The following LDLRAP1 variants were observed in gnomAD, a reference collection of about 807,000 sequenced individuals.
LDLRAP1 encodes the protein low density lipoprotein receptor adaptor protein 1.
In LDLRAP1, 30 loss-of-function variants were observed where a neutral mutation model predicts 37.8. That is an observed-to-expected ratio of 0.79 (90% CI 0.59 to 1.08). LDLRAP1 has a LOEUF of 1.08. Among genes scored for constraint, LDLRAP1 ranks in the 50% least tolerant of loss-of-function variants. The probability of loss-of-function intolerance (pLI) is 0.00; values close to 1 mark genes in which losing one functional copy is unlikely to be tolerated. For missense variants in LDLRAP1, 375 were observed against 401.6 expected (o/e 0.93, Z 0.57); for synonymous variants, 156 against 169.8 (o/e 0.92, Z 0.63).
chr1:25,571,224 A>T (rs1185219411), downstream of LDLRAP1, among the ~76,000 whole-genome samples: 1 of 152,240 alleles, frequency 6.6e-6, no homozygotes, highest in Non-Finnish European at 1.5e-5. Context: ...CCACAGGCAG[A>T]GGCTGACTTC....
In LDLRAP1 at chr1:25,555,843, A is replaced by G. The variant is rs906043021; in HGVS notation, c.344+871A>G. On this transcript the variant is annotated intron_variant, in intron 3 of 8. Transcript: ENST00000374338. The surrounding 1 kb of genome is among the most constrained non-coding windows in gnomAD (Gnocchi z 4.7). ...ACGTCTGTGCCAGATGAGGACTCCAATCCTGCTCATTGCCCTCAAGGAGCT... is the reference window on the plus strand; with the variant it reads ...ACGTCTGTGCCAGATGAGGACTCCAGTCCTGCTCATTGCCCTCAAGGAGCT... Among the ~76,000 whole-genome samples, 10 of 152,116 alleles carry G rather than the reference A, an allele frequency of 6.6e-5. No homozygotes were observed. The highest frequency in any genetic ancestry group is 1.2e-4 in the Non-Finnish European group (8 of 68,026).
the LDLRAP1 span, among the ~76,000 whole-genome samples, chr1:25,586,171 CCA>C: frequency 6.6e-6 from 1 of 152,110 alleles, no homozygotes; most frequent in Non-Finnish European, 1.5e-5. The surrounding 1 kb of genome is among the most constrained non-coding windows in gnomAD (Gnocchi z 4.3). Context: ...TTGTAGAGGC[CCA>C]GACTTCTAAA....
At chr1:25,549,550 C>A (rs1263409187) in intron 1 of LDLRAP1, among the ~76,000 whole-genome samples, 1 of 152,246 alleles carries the variant, frequency 6.6e-6, no homozygotes, top group African/African-American at 2.4e-5. Context: ...CTGTCCCCAG[C>A]TAACTCCAGC....
rs2044186615 is a variant in LDLRAP1 at position 25,555,913 on chromosome 1, A to T, written c.344+941A>T. Among the ~76,000 whole-genome samples the T allele has an allele frequency of 6.6e-6, 1 of 152,182 alleles. No homozygotes were observed. Among genetic ancestry groups the T allele is most frequent in the African/African-American group, 2.4e-5 (1 of 41,434 alleles). On this transcript the variant is annotated intron_variant, in intron 3 of 8. Transcript: ENST00000374338. The surrounding 1 kb of genome is among the most constrained non-coding windows in gnomAD (Gnocchi z 4.7). ...GTCGGGAGGAAACAGGAGATAGAGCATAGTGTTCCAAAAAGGCAAGGAGGA... is the reference window on the plus strand; with the variant it reads ...GTCGGGAGGAAACAGGAGATAGAGCTTAGTGTTCCAAAAAGGCAAGGAGGA...
the LDLRAP1 span, among the ~76,000 whole-genome samples, chr1:25,588,065 A>T: frequency 6.6e-6 from 1 of 152,166 alleles, no homozygotes; most frequent in Non-Finnish European, 1.5e-5. Context: ...ACTTTGTTAA[A>T]CAAATGCTTG....
the LDLRAP1 span, among the ~76,000 whole-genome samples, chr1:25,584,568 A>G: frequency 6.6e-6 from 1 of 151,914 alleles, no homozygotes; most frequent in African/African-American, 2.4e-5. Context: ...CCATAATAAC[A>G]TGTGATTTTC....
intron 7 of LDLRAP1, chr1:25,564,005 G>A: frequency 1.6e-6 from 1 of 637,138 alleles, no homozygotes; most frequent in Non-Finnish European, 2.8e-6. Context: ...TCCCAGCACA[G>A]CTGTCTCCTC....
chr1:25,580,192 G>A, the LDLRAP1 span, among the ~76,000 whole-genome samples: 20 of 152,060 alleles, frequency 1.3e-4, no homozygotes, highest in Admixed American at 1.0e-3. Context: ...GGATGGAGTC[G>A]GTGTCATGCC....
the LDLRAP1 span, among the ~76,000 whole-genome samples, chr1:25,577,105 C>T: frequency 1.3e-5 from 2 of 152,246 alleles, no homozygotes; most frequent in Admixed American, 6.5e-5. Flanking sequence ...TCCCCGCATT[C>T]ACCTCCTGAG....
At chr1:25,574,475 G>T in the LDLRAP1 span, among the ~76,000 whole-genome samples, 1 of 152,242 alleles carries the variant, frequency 6.6e-6, no homozygotes, top group Non-Finnish European at 1.5e-5. Context: ...CTGCTCTGTT[G>T]TCTGAGCGGG....
chr1:25,562,344 C>T (rs1254515587), intron 4 of LDLRAP1, among the ~76,000 whole-genome samples: 1 of 152,198 alleles, frequency 6.6e-6, no homozygotes, highest in Non-Finnish European at 1.5e-5. Context: ...GAAGAACAGC[C>T]TTTGCAGGCA....
chr1:25,565,494 G>A (rs907730278), intron 8 of LDLRAP1, among the ~76,000 whole-genome samples: 2 of 151,958 alleles, frequency 1.3e-5, no homozygotes, highest in Admixed American at 6.5e-5. Context: ...ACACACTGCA[G>A]CTCAAGTTGA....
the LDLRAP1 span, among the ~76,000 whole-genome samples, chr1:25,582,453 C>T: frequency 1.3e-5 from 2 of 151,684 alleles, no homozygotes; most frequent in South Asian, 2.1e-4. Flanking sequence ...GGCATGGTGG[C>T]ATGCACCTGT....
At chr1:25,580,356 G>A in the LDLRAP1 span, among the ~76,000 whole-genome samples, 2 of 152,068 alleles carry the variant, frequency 1.3e-5, no homozygotes, top group Non-Finnish European at 1.5e-5. Context: ...CTCCAGCCTG[G>A]GTAACAGAAT....
intron 1 of LDLRAP1, among the ~76,000 whole-genome samples, chr1:25,546,692 G>A (rs2043941552): frequency 6.6e-6 from 1 of 152,180 alleles, no homozygotes; most frequent in Admixed American, 6.5e-5. Context: ...AATAGGAGGT[G>A]CAGGTTCCAG....
At chr1:25,577,746 C>T in the LDLRAP1 span, among the ~76,000 whole-genome samples, 6 of 152,188 alleles carry the variant, frequency 3.9e-5, no homozygotes, top group African/African-American at 7.2e-5. Flanking sequence ...CCGGCATCAC[C>T]GTGAGTTGGC....
chr1:25,589,812 C>T, the LDLRAP1 span, among the ~76,000 whole-genome samples: 1 of 152,034 alleles, frequency 6.6e-6, no homozygotes, highest in Admixed American at 6.6e-5. Context: ...TAATAAATAC[C>T]CTCTTACGGG....
chr1:25,583,691 A>T, the LDLRAP1 span, among the ~76,000 whole-genome samples: 1 of 151,766 alleles, frequency 6.6e-6, no homozygotes, highest in East Asian at 1.9e-4. Flanking sequence ...TCTCTTTGTC[A>T]TCTCTTTCTG....
intron 4 of LDLRAP1, among the ~76,000 whole-genome samples, chr1:25,561,604 C>T (rs927465357): frequency 8.6e-5 from 13 of 152,032 alleles, no homozygotes; most frequent in African/African-American, 2.9e-4. Context: ...TAGATGTTTC[C>T]GGCTATAGCT....
Sources: allele counts gnomAD v4.1 joint callset (sites outside exome capture counted in the v4.1 genomes callset), GRCh38; gene constraint gnomAD v4.1.1; non-coding constraint Gnocchi (gnomAD v3.1); transcripts MANE v1.5; gene names NCBI Gene and HGNC (gene_info 2026-07-23, HGNC 2026-07-21).